TXLNB: variants seen among roughly 807,000 people sequenced by gnomAD.
TXLNB encodes the protein beta-taxilin.
A neutral mutation model predicts 57.4 loss-of-function variants in TXLNB; 37 were observed. The ratio of observed to expected loss-of-function variants is 0.64; its 90% CI spans 0.50 to 0.85. TXLNB has a LOEUF of 0.85. Ranked by LOEUF, TXLNB falls within the 40% of genes least tolerant of loss-of-function variation. The probability of loss-of-function intolerance (pLI) is 0.00; values close to 1 mark genes in which losing one functional copy is unlikely to be tolerated. For synonymous variants in TXLNB, 302 were observed against 309.6 expected (o/e 0.98, Z 0.26); for missense variants, 848 against 825.6 (o/e 1.03, Z -0.33).
chr6:139,272,926 T>C (rs1472267603), intron 3 of TXLNB, among the ~76,000 whole-genome samples: 1 of 151,810 alleles, frequency 6.6e-6, no homozygotes, highest in Non-Finnish European at 1.5e-5. Context: ...TCCAGCTACT[T>C]GGGAGGCTGA....
chr6:139,194,034 G>T, the TXLNB span, among the ~76,000 whole-genome samples: 2 of 151,208 alleles, frequency 1.3e-5, no homozygotes, highest in Non-Finnish European at 2.9e-5. Context: ...GTAGAGACGG[G>T]GTTTCACCGT....
chr6:139,247,532 CTTTTTTTTTTTTT>C (rs61368061), intron 8 of TXLNB, among the ~76,000 whole-genome samples: 3 of 63,078 alleles, frequency 4.8e-5, no homozygotes, highest in East Asian at 4.7e-4. Flanking sequence ...CTCTGGTCTT[CTTTTTTTTTTTTT>C]TTTTTTTTTT....
At chr6:139,162,369 C>T in the TXLNB span, among the ~76,000 whole-genome samples, 1 of 152,068 alleles carries the variant, frequency 6.6e-6, no homozygotes. Context: ...TTTTTCATTT[C>T]ATTCTTCTGA....
the TXLNB span, among the ~76,000 whole-genome samples, chr6:139,176,184 C>G: frequency 2.6e-5 from 4 of 152,318 alleles, no homozygotes; most frequent in South Asian, 8.3e-4. The surrounding 1 kb of genome is among the most constrained non-coding windows in gnomAD (Gnocchi z 4.5). Flanking sequence ...TGCTTTGGTT[C>G]ACTCCAGCCT....
At chr6:139,179,632 T>C in the TXLNB span, 1 of 152,232 alleles carries the variant, frequency 6.6e-6, no homozygotes, top group Non-Finnish European at 1.5e-5. Context: ...AGGGAAAATC[T>C]GGCTGATTTG....
intron 6 of TXLNB, among the ~76,000 whole-genome samples, chr6:139,256,930 G>T (rs1167902060): frequency 2.6e-5 from 4 of 152,224 alleles, no homozygotes; most frequent in Non-Finnish European, 5.9e-5. Flanking sequence ...TTAGAAGTTT[G>T]ACCTATTGGT....
At chr6:139,288,112 G>A (rs1208691442) in intron 2 of TXLNB, among the ~76,000 whole-genome samples, 1 of 152,236 alleles carries the variant, frequency 6.6e-6, no homozygotes, top group Non-Finnish European at 1.5e-5. Flanking sequence ...GGCAGTAGTG[G>A]TGGTGGTGGT....
At chr6:139,231,830 G>T in the TXLNB span, among the ~76,000 whole-genome samples, 18 of 152,308 alleles carry the variant, frequency 1.2e-4, no homozygotes, top group African/African-American at 4.1e-4. Flanking sequence ...CAGGGACTAA[G>T]CATTCAATAG....
At chr6:139,308,080 A>C in the TXLNB span, among the ~76,000 whole-genome samples, 2 of 151,912 alleles carry the variant, frequency 1.3e-5, no homozygotes, top group African/African-American at 4.8e-5. Flanking sequence ...ATGCTTCCAC[A>C]CGGCCACAAT....
At chr6:139,308,962 T>C in the TXLNB span, among the ~76,000 whole-genome samples, 1 of 152,328 alleles carries the variant, frequency 6.6e-6, no homozygotes, top group East Asian at 1.9e-4. Flanking sequence ...GTCTTGGTGA[T>C]GGGCAGGGTT....
At chr6:139,302,484 C>G in the TXLNB span, among the ~76,000 whole-genome samples, 1 of 151,658 alleles carries the variant, frequency 6.6e-6, no homozygotes, top group South Asian at 2.1e-4. Context: ...GTTAAGTTAG[C>G]TGGGTGCGGT....
intron 2 of TXLNB, among the ~76,000 whole-genome samples, chr6:139,278,998 A>T (rs74996327): frequency 6.6e-6 from 1 of 152,176 alleles, no homozygotes; most frequent in East Asian, 1.9e-4. Flanking sequence ...ACGAACAAAT[A>T]AAAAAATCAA....
chr6:139,283,947 T>C (rs1777114048), intron 2 of TXLNB, among the ~76,000 whole-genome samples: 1 of 145,894 alleles, frequency 6.9e-6, no homozygotes, highest in African/African-American at 2.5e-5. Context: ...AAATAGGTTA[T>C]AAAAGGAGAC....
the TXLNB span, among the ~76,000 whole-genome samples, chr6:139,317,414 T>A: frequency 4.6e-5 from 7 of 151,060 alleles, no homozygotes; most frequent in Non-Finnish European, 8.8e-5. Flanking sequence ...TTTTTTTTTT[T>A]ATTGAAACGG....
intron 4 of TXLNB, among the ~76,000 whole-genome samples, chr6:139,269,778 G>C (rs1343402599): frequency 6.6e-6 from 1 of 152,160 alleles, no homozygotes; most frequent in Non-Finnish European, 1.5e-5. Context: ...TATCATCTTG[G>C]AGAGCTCTGC....
the TXLNB span, among the ~76,000 whole-genome samples, chr6:139,322,122 C>T: frequency 1.2e-3 from 188 of 152,270 alleles, 1 homozygote; most frequent in Middle Eastern, 6.8e-3. Context: ...TACAGGTGCA[C>T]CACCATGCCT....
the TXLNB span, chr6:139,178,949 A>G: frequency 6.6e-6 from 1 of 152,194 alleles, no homozygotes; most frequent in African/African-American, 2.4e-5. Flanking sequence ...GTTATTCACT[A>G]ATATCATTCA....
At chr6:139,290,248 C>T (rs1388830717) in intron 1 of TXLNB, among the ~76,000 whole-genome samples, 4 of 152,140 alleles carry the variant, frequency 2.6e-5, no homozygotes, top group African/African-American at 9.6e-5. Flanking sequence ...GGTGTGGTGG[C>T]GGGCACCGGT....
At chr6:139,196,208 C>T in the TXLNB span, among the ~76,000 whole-genome samples, 1 of 152,014 alleles carries the variant, frequency 6.6e-6, no homozygotes, top group African/African-American at 2.4e-5. Flanking sequence ...TACATTAAAA[C>T]ATATTTGAAG....
Sources: gnomAD v4.1 joint callset for allele counts (sites outside exome capture counted in the v4.1 genomes callset) on GRCh38, gnomAD v4.1.1 for gene constraint, Gnocchi (gnomAD v3.1) non-coding constraint, MANE v1.5 for transcripts, NCBI Gene and HGNC (gene_info 2026-07-23, HGNC 2026-07-21) for gene names.